Variants in MTIF2 observed in about 807,000 individuals in gnomAD.
MTIF2 encodes the protein translation initiation factor IF-2, mitochondrial.
A neutral mutation model predicts 83.5 loss-of-function variants in MTIF2; 71 were observed. The observed-to-expected ratio is 0.85, with a 90% CI of 0.70 to 1.04. The LOEUF (loss-of-function observed/expected upper bound fraction) is 1.04. Among genes scored for constraint, MTIF2 ranks in the 50% least tolerant of loss-of-function variants. The pLI, the probability that MTIF2 is intolerant of heterozygous loss-of-function variation, is 0.00. For synonymous variants in MTIF2, 319 were observed against 287.1 expected, an observed-to-expected ratio of 1.11 and a Z score of -1.12; for missense variants, 957 against 846.5, an observed-to-expected ratio of 1.13 and a Z score of -1.62.
Position 55,254,041 on chromosome 2 carries a change from C to G in MTIF2, c.664G>C (p.Val222Leu). 1 of 1,613,610 alleles carries G rather than the reference C, an allele frequency of 6.2e-7. No homozygotes were observed. Among genetic ancestry groups the G allele is most frequent in the Non-Finnish European group, 8.5e-7 (1 of 1,179,864 alleles). ...GITQHIGAFLVSLPSGEKITF... is the reference protein window; with the variant it reads ...GITQHIGAFLLSLPSGEKITF... Reference sequence around the variant, plus strand: ...ATTGTAAGGTAATTTGTGTTCATACCAAGAAAGGCACCAATGTGCTGAGTG... The same window carrying G: ...ATTGTAAGGTAATTTGTGTTCATACGAAGAAAGGCACCAATGTGCTGAGTG... Residue 222 changes from valine (V) to leucine (L), a missense_variant and splice_region_variant, in exon 7 of 16, where the codon GTC (valine) becomes CTC (leucine). Val to Leu is a conservative substitution (Grantham distance 32). Around this residue, in one of 3 missense-constraint regions of MTIF2, gnomAD observed 733 missense variants for 648.7 expected, o/e 1.13. Coordinates refer to ENST00000263629, the MANE Select transcript of MTIF2 (RefSeq NM_002453.3).
intron 7 of MTIF2, 94 bp downstream of exon 7, chr2:55,253,947 T>C: frequency 1.5e-6 from 2 of 1,336,546 alleles, no homozygotes; most frequent in East Asian, 2.4e-5. Context: ...AGCCTTCTCT[T>C]GTACTTTGAA....
chr2:55,237,088 G>C (rs59692806), intron 15 of MTIF2, among the ~76,000 whole-genome samples, 200 bp downstream of exon 15: 1 of 152,252 alleles, frequency 6.6e-6, no homozygotes, highest in African/African-American at 2.4e-5. Flanking sequence ...TGGTACTCAG[G>C]ACTTGAATGG....
At chr2:55,253,171 T>C (rs1053150960) in intron 7 of MTIF2, among the ~76,000 whole-genome samples, 1 of 152,198 alleles carries the variant, frequency 6.6e-6, no homozygotes, top group Non-Finnish European at 1.5e-5. Context: ...TATTAATACC[T>C]ACCTTATGAT....
chr2:55,265,462 G>A (rs1678361266), intron 3 of MTIF2, among the ~76,000 whole-genome samples: 1 of 151,368 alleles, frequency 6.6e-6, no homozygotes, highest in Non-Finnish European at 1.5e-5. Context: ...ACCTAGGGTC[G>A]TGTTTTCATT....
intron 9 of MTIF2, among the ~76,000 whole-genome samples, chr2:55,248,025 G>A (rs1234608238): frequency 6.6e-6 from 1 of 152,106 alleles, no homozygotes; most frequent in Non-Finnish European, 1.5e-5. Flanking sequence ...CCAATAGCTA[G>A]GACGACAGGC....
At chr2:55,262,631 C>G (rs1285877006) in intron 4 of MTIF2, among the ~76,000 whole-genome samples, 2 of 150,812 alleles carry the variant, frequency 1.3e-5, no homozygotes, top group Non-Finnish European at 2.9e-5. Context: ...CAATCTCTGC[C>G]TACTGGGTTC....
chr2:55,261,010 G>C (rs1229506484), intron 5 of MTIF2, among the ~76,000 whole-genome samples: 11 of 150,582 alleles, frequency 7.3e-5, no homozygotes, highest in African/African-American at 2.7e-4. Flanking sequence ...TTTTTAAGAT[G>C]GAGTCTCGCT....
intron 10 of MTIF2, 47 bp downstream of exon 10, chr2:55,246,290 G>A (rs767151284): frequency 7.2e-6 from 11 of 1,529,184 alleles, no homozygotes; most frequent in Admixed American, 4.0e-5. Context: ...ATCAAGTCAC[G>A]AAAACCACAG....
chr2:55,239,962 T>C, intron 14 of MTIF2, 49 bp downstream of exon 14: 5 of 1,519,332 alleles, frequency 3.3e-6, no homozygotes, highest in Non-Finnish European at 4.5e-6. Context: ...GTGCTATTTA[T>C]AGCACCTAAT....
rs575131917 is a variant in MTIF2, at chr2:55,252,148, T to C, written c.841+329A>G. Among the ~76,000 whole-genome samples, 30 of 152,276 alleles carry C rather than the reference T, an allele frequency of 2.0e-4. No individual in the cohort carries two copies. In the South Asian group the frequency reaches 6.2e-3, roughly 32 times the overall value. The stretch of plus-strand genomic sequence containing the variant: ...TAACCACTATGCAACTCCTAATGAA[T>C]TTATGTGATGGATAGATCGAATTTC... On this transcript the variant is annotated intron_variant, in intron 8 of 15. Transcript: ENST00000263629.
At chr2:55,237,260 T>C in intron 15 of MTIF2, 28 bp downstream of exon 15, 1 of 1,598,010 alleles carries the variant, frequency 6.3e-7, no homozygotes, top group Non-Finnish European at 8.5e-7. Flanking sequence ...CTGGATATGC[T>C]ATTATAGGAG....
At chr2:55,262,531 CTTTTTT>C in intron 4 of MTIF2, 104 bp from the exon 5 acceptor site, 3 of 327,972 alleles carry the variant, frequency 9.1e-6, no homozygotes, top group Non-Finnish European at 1.6e-5. Context: ...ACATTTCTTT[CTTTTTT>C]TTTCTTTTTT....
intron 14 of MTIF2, among the ~76,000 whole-genome samples, chr2:55,238,786 T>C (rs1676083423): frequency 1.3e-5 from 2 of 152,228 alleles, no homozygotes; most frequent in African/African-American, 4.8e-5. Context: ...ATTTTACTAC[T>C]GTTATTTGTT....
intron 14 of MTIF2, among the ~76,000 whole-genome samples, chr2:55,237,881 C>G (rs763391766): frequency 6.6e-6 from 1 of 151,970 alleles, no homozygotes; most frequent in Non-Finnish European, 1.5e-5. Flanking sequence ...AAACTCCTGA[C>G]CTCAAGTGAT....
chr2:55,261,427 G>A (rs1041844405), intron 5 of MTIF2, among the ~76,000 whole-genome samples: 7 of 151,092 alleles, frequency 4.6e-5, no homozygotes, highest in African/African-American at 7.3e-5. Flanking sequence ...CCAACATGGT[G>A]AAACCCCGTC....
chr2:55,255,602 T>C (rs983854301), intron 5 of MTIF2, among the ~76,000 whole-genome samples: 7 of 151,212 alleles, frequency 4.6e-5, no homozygotes, highest in African/African-American at 1.5e-4. Flanking sequence ...CTGTAAGGCA[T>C]ATCACAGCCT....
Position 55,236,669 on chromosome 2 carries a change from A to G in MTIF2, c.2163T>C (p.Thr721=). The G allele has an allele frequency of 6.3e-7, 1 of 1,591,980 alleles. No homozygotes were observed. Among genetic ancestry groups the G allele is most frequent in the Non-Finnish European group, 8.5e-7 (1 of 1,173,986 alleles). The stretch of plus-strand genomic sequence containing the variant: ...AATTTTAAAATCCTGGATCCCAAGA[A>G]GTCTTGGCTTGAATTTGCTTTTCTT... ...CYEEKQIQAK[T]SWDPGF is the part of the protein sequence containing the mutation. The change falls in exon 16 of 16, where the codon ACT becomes ACC. Residue 721 remains threonine (T), a synonymous_variant. Transcript: ENST00000263629.
chr2:55,250,042 G>A (rs949535436), intron 8 of MTIF2, among the ~76,000 whole-genome samples: 7 of 152,114 alleles, frequency 4.6e-5, no homozygotes, highest in Non-Finnish European at 1.0e-4. Context: ...GCAGTGAGCT[G>A]AAATCGTGTC....
intron 9 of MTIF2, among the ~76,000 whole-genome samples, chr2:55,246,812 G>A (rs1213244715): frequency 5.3e-5 from 8 of 151,990 alleles, no homozygotes; most frequent in South Asian, 2.1e-4. Flanking sequence ...TTTCTCCTCC[G>A]TCTGTCCCTA....
Sources: gnomAD v4.1 joint callset for allele counts (sites outside exome capture counted in the v4.1 genomes callset) on GRCh38, gnomAD v4.1.1 for gene constraint, gnomAD v4.1.1 regional missense constraint, MANE v1.5 for transcripts, NCBI Gene and HGNC (gene_info 2026-07-23, HGNC 2026-07-21) for gene names.